Variants in CADPS observed in about 807,000 individuals in gnomAD.
CADPS encodes calcium-dependent secretion activator 1.
In CADPS, 57 loss-of-function variants were observed where a neutral mutation model predicts 167.3. The ratio of observed to expected loss-of-function variants is 0.34; its 90% CI spans 0.28 to 0.42. The LOEUF (loss-of-function observed/expected upper bound fraction) is 0.42. Among genes scored for constraint, CADPS ranks in the 20% least tolerant of loss-of-function variants. The pLI is 1.00. For synonymous variants in CADPS, 676 were observed against 635.3 expected, an observed-to-expected ratio of 1.06 and a Z score of -0.96; for missense variants, 1,414 against 1,738.1, an observed-to-expected ratio of 0.81 and a Z score of 3.32.
chr3:62,588,846 G>C (rs1409423104), intron 7 of CADPS, among the ~76,000 whole-genome samples: 2 of 152,112 alleles, frequency 1.3e-5, no homozygotes, highest in Non-Finnish European at 2.9e-5. Context: ...ACCATGTAGA[G>C]AAGTGTGTAT....
chr3:62,553,364 T>G lies in CADPS; in HGVS notation c.1754-3249A>C, dbSNP rs1276884152. ...ATCAATCCTCCCAACAGCCTTATGA[T>G]GTAAGTACTATTATTCCATTTTACA... On this transcript the variant is annotated intron_variant, in intron 10 of 29. Transcript: ENST00000383710. 2.0e-5 allele frequency among the ~76,000 whole-genome samples: 3 copies of G among 152,214 alleles called. No individual in the cohort carries two copies. The East Asian group carries it at 5.8e-4, about 29-fold the overall frequency.
chr3:62,761,027 C>T (rs2152471090), intron 2 of CADPS, among the ~76,000 whole-genome samples: 1 of 152,324 alleles, frequency 6.6e-6, no homozygotes, highest in Admixed American at 6.5e-5. Context: ...CTTGAGTTCA[C>T]ATTCCGAGTG....
intron 20 of CADPS, 77 bp downstream of exon 20, chr3:62,492,213 T>A: frequency 7.9e-7 from 1 of 1,273,054 alleles, no homozygotes; most frequent in Non-Finnish European, 1.1e-6. Flanking sequence ...TGTAGTCTGC[T>A]TGGGATAAAG....
In CADPS at chr3:62,403,188, GA is replaced by G; in HGVS notation, c.3778-4del. 6.2e-7 allele frequency: 1 copy of G among 1,607,826 alleles called. No individual in the cohort carries two copies. The highest frequency in any genetic ancestry group is 8.5e-7 in the Non-Finnish European group (1 of 1,175,042). On this transcript the variant is annotated splice_region_variant and splice_polypyrimidine_tract_variant and intron_variant, in intron 28 of 29. Transcript: ENST00000383710. ...TTCATGGAGCTGTTGTACCATTGCT[GA>G]AAAAAGAGACAAAAGTTCTCCAGCC...
chr3:62,702,064 C>T (rs1423810791), intron 3 of CADPS, among the ~76,000 whole-genome samples: 1 of 152,048 alleles, frequency 6.6e-6, no homozygotes, highest in Non-Finnish European at 1.5e-5. Context: ...TTTTATCCTG[C>T]AACATGAGGA....
chr3:62,573,190 A>G (rs949433255), intron 8 of CADPS, among the ~76,000 whole-genome samples: 12 of 152,156 alleles, frequency 7.9e-5, no homozygotes, highest in African/African-American at 2.9e-4. Context: ...CCCCTCCCAT[A>G]TACATTAAAT....
intron 10 of CADPS, among the ~76,000 whole-genome samples, chr3:62,554,552 C>T (rs62243512): frequency 0.08 from 12,217 of 152,128 alleles, 537 homozygotes; most frequent in Middle Eastern, 0.13. Context: ...TGCACACTCA[C>T]CTTTCAGGGA....
Position 62,549,465 on chromosome 3 carries a change from G to A in CADPS, c.1966+438C>T, listed in dbSNP as rs149494561. On this transcript the variant is annotated intron_variant, in intron 11 of 29. Transcript: ENST00000383710. ...GTTTTGTGTTTTTTTTTTTTTTTTC[G>A]CTGCATGTGATAATGTCATCATTTA... is the stretch of plus-strand genomic sequence containing the variant. 9.4e-3 allele frequency among the ~76,000 whole-genome samples: 754 copies of A among 79,802 alleles called. 21 individuals are homozygous for A. The highest frequency in any genetic ancestry group is 0.083 in the East Asian group (231 of 2,782). The allele number at this position is 79,802 out of a possible 152,430, so 52.4% of individuals were successfully genotyped here.
intron 3 of CADPS, among the ~76,000 whole-genome samples, chr3:62,717,563 T>C (rs962765956): frequency 1.3e-5 from 2 of 152,174 alleles, no homozygotes; most frequent in African/African-American, 4.8e-5. Context: ...ATTTCCTTTT[T>C]CCCCTCACAT....
chr3:62,494,808 AT>A (rs202148151), intron 18 of CADPS, among the ~76,000 whole-genome samples: 2 of 148,874 alleles, frequency 1.3e-5, no homozygotes, highest in African/African-American at 2.5e-5. Flanking sequence ...TACCTGGCTA[AT>A]TTTTTTTTGT....
At chr3:62,475,584 GAAAAAAAAAAAA>G (rs34263556) in intron 23 of CADPS, among the ~76,000 whole-genome samples, 961 of 55,982 alleles carry the variant, frequency 0.017, 22 homozygotes, top group Non-Finnish European at 0.019. Flanking sequence ...CAGTTCTTAA[GAAAAAAAAAAAA>G]AAAAAAAAAA....
intron 1 of CADPS, among the ~76,000 whole-genome samples, chr3:62,868,597 T>C (rs552514253): frequency 6.6e-6 from 1 of 152,240 alleles, no homozygotes; most frequent in South Asian, 2.1e-4. Context: ...CATTCGTAGA[T>C]CAGTTTCAGC....
At chr3:62,443,746 G>A (rs190166526) in intron 27 of CADPS, among the ~76,000 whole-genome samples, 16 of 152,228 alleles carry the variant, frequency 1.1e-4, no homozygotes, top group Admixed American at 3.3e-4. Flanking sequence ...CAGGCATGCC[G>A]AACTGTGAGT....
intron 21 of CADPS, among the ~76,000 whole-genome samples, chr3:62,484,081 CATATT>C (rs2062438047): frequency 6.6e-6 from 1 of 152,128 alleles, no homozygotes; most frequent in Non-Finnish European, 1.5e-5. Flanking sequence ...TTAATCAAAA[CATATT>C]GTATTTGTAA....
chr3:62,571,798 A>G (rs1414823239), intron 8 of CADPS, among the ~76,000 whole-genome samples: 6 of 152,138 alleles, frequency 3.9e-5, no homozygotes, highest in African/African-American at 1.4e-4. Flanking sequence ...TCCCAACCTC[A>G]GTTGATCCAC....
At chr3:62,711,512 G>A (rs117154800) in intron 3 of CADPS, among the ~76,000 whole-genome samples, 13 of 152,320 alleles carry the variant, frequency 8.5e-5, no homozygotes, top group East Asian at 5.8e-4. Flanking sequence ...AATTCTTTGT[G>A]TAAGATAGTT....
Position 62,874,341 on chromosome 3 carries a change from C to T in CADPS, c.441+248G>A, listed in dbSNP as rs2083249365. 6.6e-6 allele frequency among the ~76,000 whole-genome samples: 1 copy of T among 152,160 alleles called. No individual in the cohort carries two copies. The highest frequency in any genetic ancestry group is 2.4e-5 in the African/African-American group (1 of 41,460). ...CACCAACGCTCCCGGGCTGGGGGGGCTCGAGCAAGCGGCGCTGCGCTCCGC... is the reference window on the plus strand; with the variant it reads ...CACCAACGCTCCCGGGCTGGGGGGGTTCGAGCAAGCGGCGCTGCGCTCCGC... On this transcript the variant is annotated intron_variant, in intron 1 of 29. Coordinates refer to ENST00000383710, the MANE Select transcript of CADPS (RefSeq NM_003716.4). The surrounding 1 kb of genome is among the most constrained non-coding windows in gnomAD (Gnocchi z 7.1).
chr3:62,685,143 C>T (rs77482756), intron 3 of CADPS, among the ~76,000 whole-genome samples: 10,125 of 152,048 alleles, frequency 0.067, 405 homozygotes, highest in Middle Eastern at 0.096. Context: ...ACTTTGCTTC[C>T]ACAAAAGCAA....
chr3:62,830,447 A>G (rs1430142478), intron 1 of CADPS, among the ~76,000 whole-genome samples: 2 of 152,194 alleles, frequency 1.3e-5, no homozygotes, highest in African/African-American at 4.8e-5. Context: ...TTATCAGCCA[A>G]ATTGGTACAC....
Sources: allele counts gnomAD v4.1 joint callset (sites outside exome capture counted in the v4.1 genomes callset), GRCh38; gene constraint gnomAD v4.1.1; non-coding constraint Gnocchi (gnomAD v3.1); transcripts MANE v1.5; gene names NCBI Gene and HGNC (gene_info 2026-07-23, HGNC 2026-07-21).